Variants in TRAK1 observed in about 807,000 individuals in gnomAD.
TRAK1 encodes trafficking kinesin-binding protein 1.
A neutral mutation model predicts 92.1 loss-of-function variants in TRAK1; 33 were observed. The ratio of observed to expected loss-of-function variants is 0.36; its 90% CI spans 0.27 to 0.48. The LOEUF is 0.48. Ranked by LOEUF, TRAK1 falls within the 20% of genes least tolerant of loss-of-function variation. TRAK1 has a pLI of 0.99. For synonymous variants in TRAK1, 521 were observed against 517.3 expected, an observed-to-expected ratio of 1.01 and a Z score of -0.10; for missense variants, 1,123 against 1,257.9, an observed-to-expected ratio of 0.89 and a Z score of 1.62.
intron 15 of TRAK1, 135 bp from the exon 16 acceptor site, chr3:42,222,807 T>C: frequency 1.2e-6 from 1 of 854,888 alleles, no homozygotes; most frequent in South Asian, 1.6e-5. Flanking sequence ...ACAGAGCCTT[T>C]GGGGGCCTCA....
chr3:42,025,087 A>T (rs1701865023), intron 1 of TRAK1, among the ~76,000 whole-genome samples: 1 of 152,186 alleles, frequency 6.6e-6, no homozygotes. Flanking sequence ...AAAAGATTAT[A>T]CCAGAGGGGG....
intron 2 of TRAK1, among the ~76,000 whole-genome samples, chr3:42,139,688 T>C (rs2149211916): frequency 6.6e-6 from 1 of 152,356 alleles, no homozygotes; most frequent in South Asian, 2.1e-4. Context: ...ATTTATTTTT[T>C]TCTTTTTAAG....
chr3:42,193,832 G>A lies in TRAK1; in HGVS notation c.909G>A (p.Val303=). Residue 303 remains valine, a synonymous_variant, in exon 9 of 16, where the codon GTG becomes GTA. Coordinates refer to ENST00000327628, the MANE Select transcript of TRAK1 (RefSeq NM_001042646.3). ...DLQKKAKACA[V]ENEELVQHLG... The stretch of plus-strand genomic sequence containing the variant: ...TCTTTGCCATGCTTTAGTGCGCAGT[G>A]GAAAATGAAGAACTTGTCCAGCATC... The A allele has an allele frequency of 6.2e-7, 1 of 1,614,108 alleles. No individual in the cohort carries two copies.
At chr3:42,134,170 CCCCTTCCTCTTCCCCTT>C (rs1697588388) in intron 2 of TRAK1, among the ~76,000 whole-genome samples, 1 of 140,796 alleles carries the variant, frequency 7.1e-6, no homozygotes, top group African/African-American at 2.6e-5. Flanking sequence ...CCTTCCCCTT[CCCCTTCCTCTTCCCCTT>C]CCCCCTCCCC....
At chr3:42,163,645 C>T (rs369552891) in intron 2 of TRAK1, among the ~76,000 whole-genome samples, 1 of 152,082 alleles carries the variant, frequency 6.6e-6, no homozygotes, top group Admixed American at 6.5e-5. Flanking sequence ...GGGGTGGGAC[C>T]AAGCAAGCTG....
At chr3:42,019,482 G>A (rs1701654355) in intron 1 of TRAK1, among the ~76,000 whole-genome samples, 1 of 152,026 alleles carries the variant, frequency 6.6e-6, no homozygotes, top group African/African-American at 2.4e-5. Flanking sequence ...TTGCTATGTT[G>A]CCCAGGCTGC....
At chr3:42,211,729 G>A in intron 14 of TRAK1, 4 of 985,440 alleles carry the variant, frequency 4.1e-6, no homozygotes, top group Non-Finnish European at 4.8e-6. Flanking sequence ...GATAGAGAGA[G>A]AGAAGGGACC....
intron 1 of TRAK1, among the ~76,000 whole-genome samples, chr3:42,059,273 T>C (rs1406574375): frequency 6.6e-6 from 1 of 152,056 alleles, no homozygotes. Flanking sequence ...TTAAAAAATT[T>C]TTATTAGAGA....
chr3:42,118,249 TA>T (rs1709421782), intron 1 of TRAK1, among the ~76,000 whole-genome samples: 1 of 151,730 alleles, frequency 6.6e-6, no homozygotes, highest in African/African-American at 2.4e-5. Flanking sequence ...CACGCCCATC[TA>T]ATTTTTTTTT....
At chr3:42,197,803 C>T (rs1706965416) in intron 10 of TRAK1, among the ~76,000 whole-genome samples, 1 of 152,234 alleles carries the variant, frequency 6.6e-6, no homozygotes. Flanking sequence ...CGCTTGGTTC[C>T]AGCCTCCAGA....
At chr3:42,060,625 C>CT (rs1299725245) in intron 1 of TRAK1, among the ~76,000 whole-genome samples, 6,603 of 123,250 alleles carry the variant, frequency 0.054, 710 homozygotes, top group African/African-American at 0.19. Flanking sequence ...TTTTTGGCTG[C>CT]TTTTTTTTTT....
At chr3:42,213,442 A>G (rs1709316044) in intron 14 of TRAK1, among the ~76,000 whole-genome samples, 1 of 152,246 alleles carries the variant, frequency 6.6e-6, no homozygotes, top group South Asian at 2.1e-4. Context: ...AATCTCCAGC[A>G]ACTGGGCCAC....
intron 14 of TRAK1, chr3:42,211,852 G>C (rs1577039425): frequency 3.0e-6 from 3 of 985,312 alleles, no homozygotes; most frequent in Non-Finnish European, 3.6e-6. Context: ...AACGTTATTT[G>C]ACGAGGGGCA....
chr3:42,191,988 G>A (rs945204376), intron 7 of TRAK1, among the ~76,000 whole-genome samples: 8 of 128,820 alleles, frequency 6.2e-5, no homozygotes, highest in African/African-American at 2.4e-4. Flanking sequence ...TGCAACCTCT[G>A]CCTCCCGGGT....
rs747909222 is a variant in TRAK1, at chr3:42,091,434, T to C, written c.-36T>C. 4 of 1,598,888 alleles carry C rather than the reference T, an allele frequency of 2.5e-6. No homozygotes were observed. Among genetic ancestry groups the C allele is most frequent in the Non-Finnish European group, 3.4e-6 (4 of 1,168,072 alleles). ...GCTGAGCTCTCATGGAGGCTCTCTC[T>C]GTTCTCTGAAGTGCCTTTGGAGTTT... On this transcript the variant is annotated 5_prime_UTR_variant, in exon 1 of 16. Coordinates refer to ENST00000327628, the MANE Select transcript of TRAK1 (RefSeq NM_001042646.3).
At chr3:42,062,088 T>C (rs764017311) in intron 1 of TRAK1, among the ~76,000 whole-genome samples, 8 of 152,158 alleles carry the variant, frequency 5.3e-5, no homozygotes, top group Non-Finnish European at 7.3e-5. Context: ...GAGATCCTGC[T>C]CATATGTGTG....
chr3:42,013,517 G>C (rs537181958), upstream of TRAK1, among the ~76,000 whole-genome samples: 1,088 of 151,136 alleles, frequency 7.2e-3, 11 homozygotes, highest in Non-Finnish European at 0.011. This position sits in a 1 kb window ranked among gnomAD's most constrained non-coding sequence, Gnocchi z 5.1. Context: ...CTAGGACGTG[G>C]CCGGCGGGCA....
chr3:42,050,603 A>T lies in TRAK1; in HGVS notation c.-519+36486A>T, dbSNP rs183168083. Among the ~76,000 whole-genome samples the T allele has an allele frequency of 2.6e-3, 394 of 151,792 alleles. 1 individual carries two copies. The highest frequency in any genetic ancestry group is 8.5e-3 in the African/African-American group (354 of 41,408). On this transcript the variant is annotated intron_variant, in intron 1 of 16. Coordinates refer to the TRAK1 transcript ENST00000487159. ...TTCATCTTCCAAAAATCTGTCAAAA[A>T]TTTTCATCCTTTTTTCCGTTTTCTT...
chr3:42,211,651 A>G (rs1472349004), intron 14 of TRAK1: 1 of 985,340 alleles, frequency 1.0e-6, no homozygotes, highest in African/African-American at 1.7e-5. Context: ...AGCACCATTA[A>G]GTGCATCTTC....
Sources: gnomAD v4.1 joint callset for allele counts (sites outside exome capture counted in the v4.1 genomes callset) on GRCh38, gnomAD v4.1.1 for gene constraint, Gnocchi (gnomAD v3.1) non-coding constraint, MANE v1.5 for transcripts, NCBI Gene and HGNC (gene_info 2026-07-23, HGNC 2026-07-21) for gene names.